LRP2: variants seen among roughly 807,000 people sequenced by gnomAD.
LRP2 encodes low-density lipoprotein receptor-related protein 2.
Under a neutral mutation model 531.0 loss-of-function variants are expected in LRP2, and 172 were observed. The ratio of observed to expected loss-of-function variants is 0.32; its 90% CI spans 0.29 to 0.37. LRP2 has a LOEUF of 0.37. Ranked by LOEUF, LRP2 falls within the 10% of genes least tolerant of loss-of-function variation. The pLI is 1.00. For missense variants in LRP2, 5,167 were observed against 5,868.3 expected (o/e 0.88, Z 3.90); for synonymous variants, 1,992 against 2,027.6 (o/e 0.98, Z 0.47).
intron 52 of LRP2, among the ~76,000 whole-genome samples, chr2:169,178,987 T>TGA (rs1366580869): frequency 4.0e-5 from 5 of 126,438 alleles, no homozygotes; most frequent in African/African-American, 9.2e-5. Context: ...ACCATCTGAT[T>TGA]TATTTATTTA....
At chr2:169,226,667 G>T in intron 31 of LRP2, 79 bp from the exon 32 acceptor site, 1 of 1,046,858 alleles carries the variant, frequency 9.6e-7, no homozygotes, top group Admixed American at 1.8e-5. Context: ...GCAATAGCCT[G>T]TTACCATCAT....
intron 45 of LRP2, among the ~76,000 whole-genome samples, 182 bp downstream of exon 45, chr2:169,198,604 G>C (rs1371938310): frequency 1.3e-5 from 2 of 152,164 alleles, no homozygotes; most frequent in African/African-American, 2.4e-5. Flanking sequence ...AGGGAACAGA[G>C]AGAAAGAGTT....
At chr2:169,333,809 T>C (rs928592659) in intron 1 of LRP2, among the ~76,000 whole-genome samples, 3 of 152,140 alleles carry the variant, frequency 2.0e-5, no homozygotes, top group Non-Finnish European at 4.4e-5. Context: ...CAGCAGGTTA[T>C]CTTTGCACCA....
intron 9 of LRP2, among the ~76,000 whole-genome samples, chr2:169,285,467 T>G (rs1334189243): frequency 6.6e-6 from 1 of 152,134 alleles, no homozygotes; most frequent in Non-Finnish European, 1.5e-5. Flanking sequence ...GTAGAAAAGA[T>G]AGTGGAAACC....
chr2:169,257,925 A>G (rs1445803856), intron 17 of LRP2, among the ~76,000 whole-genome samples: 2 of 152,058 alleles, frequency 1.3e-5, no homozygotes, highest in Admixed American at 1.3e-4. Flanking sequence ...CCAAAATGTA[A>G]CTTTCTGAAA....
intron 36 of LRP2, 93 bp downstream of exon 36, chr2:169,213,564 G>A (rs1574140261): frequency 1.1e-5 from 11 of 1,009,216 alleles, no homozygotes; most frequent in Middle Eastern, 3.0e-4. Context: ...GTGTATGTAC[G>A]TGAAACTGTG....
At chr2:169,327,566 A>G (rs866051630) in intron 1 of LRP2, among the ~76,000 whole-genome samples, 125 of 107,946 alleles carry the variant, frequency 1.2e-3, no homozygotes, top group Non-Finnish European at 1.6e-3. Flanking sequence ...CAGCCGCCCC[A>G]TCCGGGAGGT....
chr2:169,203,660 A>G (rs1222513723), intron 42 of LRP2, among the ~76,000 whole-genome samples: 1 of 152,146 alleles, frequency 6.6e-6, no homozygotes, highest in Non-Finnish European at 1.5e-5. Context: ...GGGAGGCTGA[A>G]GCAGGAGAAT....
chr2:169,142,935 C>T (rs1189041365), intron 70 of LRP2, 142 bp from the exon 71 acceptor site: 3 of 873,820 alleles, frequency 3.4e-6, no homozygotes, highest in Non-Finnish European at 5.7e-6. Context: ...GCTGGCCACT[C>T]ACCCTCATTT....
At chr2:169,243,800 G>A (rs181036182) in intron 22 of LRP2, among the ~76,000 whole-genome samples, 1 of 152,036 alleles carries the variant, frequency 6.6e-6, no homozygotes, top group African/African-American at 2.4e-5. Flanking sequence ...TCATGTGCTT[G>A]GACTTGGACT....
In LRP2 at chr2:169,273,037, C is replaced by A; in HGVS notation, c.2006G>T (p.Gly669Val). ...ATNPCKDNNG[G>V]CEQVCVLSHR... is the part of the protein sequence containing the mutation. ...GCTGAGGACACAGACCTGCTCACAGCCCCCATTGTTATCTTTACACGGATT... is the reference window on the plus strand; with the variant it reads ...GCTGAGGACACAGACCTGCTCACAGACCCCATTGTTATCTTTACACGGATT... The change falls in exon 15 of 79, where the codon GGC becomes GTC. Residue 669 changes from glycine to valine, a missense_variant. Physicochemically the swap from Gly to Val is moderately radical, Grantham distance 109. Transcript: ENST00000649046. 4 of 1,613,558 alleles carry A rather than the reference C, an allele frequency of 2.5e-6. No homozygotes were observed. The highest frequency in any genetic ancestry group is 1.7e-4 in the Middle Eastern group (1 of 6,050).
intron 30 of LRP2, among the ~76,000 whole-genome samples, chr2:169,232,943 G>A (rs1209518654): frequency 6.6e-6 from 1 of 152,214 alleles, no homozygotes; most frequent in Non-Finnish European, 1.5e-5. Flanking sequence ...GAACAGTACG[G>A]ATGCCAAGTC....
intron 50 of LRP2, among the ~76,000 whole-genome samples, chr2:169,183,400 G>A (rs1687511625): frequency 6.6e-6 from 1 of 152,188 alleles, no homozygotes; most frequent in Admixed American, 6.5e-5. Context: ...TAGACACTAA[G>A]AACAGTGAGA....
intron 44 of LRP2, among the ~76,000 whole-genome samples, chr2:169,199,318 A>C (rs1229073746): frequency 6.6e-6 from 1 of 152,246 alleles, no homozygotes; most frequent in Non-Finnish European, 1.5e-5. Context: ...TGTTAATAGT[A>C]AGAAAGCAAG....
chr2:169,269,713 C>T (rs1462715225), intron 16 of LRP2, among the ~76,000 whole-genome samples: 2 of 152,022 alleles, frequency 1.3e-5, no homozygotes, highest in African/African-American at 2.4e-5. Flanking sequence ...TTCATGACTG[C>T]AACACCAAAA....
intron 1 of LRP2, among the ~76,000 whole-genome samples, chr2:169,328,471 A>AAAAT (rs1685182448): frequency 1.3e-5 from 2 of 149,972 alleles, no homozygotes; most frequent in African/African-American, 4.9e-5. Flanking sequence ...AAAAGAAAAA[A>AAAAT]AAAGAAATAA....
At chr2:169,141,583 G>A (rs139583303) in intron 71 of LRP2, among the ~76,000 whole-genome samples, 37 of 152,164 alleles carry the variant, frequency 2.4e-4, no homozygotes, top group African/African-American at 8.4e-4. Flanking sequence ...TGCTTACTTC[G>A]GTTAAAGTTC....
intron 8 of LRP2, 103 bp downstream of exon 8, chr2:169,290,742 C>T: frequency 1.6e-6 from 2 of 1,261,602 alleles, no homozygotes; most frequent in Non-Finnish European, 2.3e-6. Context: ...TCTTGGGGTG[C>T]TTTGTTATGC....
intron 16 of LRP2, among the ~76,000 whole-genome samples, chr2:169,261,557 A>C (rs867859678): frequency 1.3e-5 from 2 of 151,660 alleles, no homozygotes; most frequent in South Asian, 4.2e-4. Flanking sequence ...TGCCTCCCTC[A>C]ACAAAGCATA....
Sources: allele counts gnomAD v4.1 joint callset (sites outside exome capture counted in the v4.1 genomes callset), GRCh38; gene constraint gnomAD v4.1.1; transcripts MANE v1.5; gene names NCBI Gene and HGNC (gene_info 2026-07-23, HGNC 2026-07-21).